The following AIG1 variants were observed in gnomAD, a reference collection of about 807,000 sequenced individuals.
AIG1 encodes androgen-induced gene 1 protein.
AIG1 carries 23 observed loss-of-function variants against 31.4 expected under a neutral mutation model. That is an observed-to-expected ratio of 0.73 (90% CI 0.53 to 1.04). The LOEUF (loss-of-function observed/expected upper bound fraction) is 1.04. Among genes scored for constraint, AIG1 ranks in the 50% least tolerant of loss-of-function variants. The pLI, the probability that AIG1 is intolerant of heterozygous loss-of-function variation, is 0.00. For synonymous variants in AIG1, 100 were observed against 110.5 expected, an observed-to-expected ratio of 0.90 and a Z score of 0.60; for missense variants, 274 against 295.0, an observed-to-expected ratio of 0.93 and a Z score of 0.52.
intron 3 of AIG1, among the ~76,000 whole-genome samples, chr6:143,246,235 C>T (rs1384894579): frequency 6.6e-6 from 1 of 151,178 alleles, no homozygotes; most frequent in Non-Finnish European, 1.5e-5. Flanking sequence ...TGTTTTCACA[C>T]TGCTGATAAA....
intron 1 of AIG1, among the ~76,000 whole-genome samples, chr6:143,122,153 A>C (rs1442761238): frequency 6.6e-6 from 1 of 152,196 alleles, no homozygotes; most frequent in Non-Finnish European, 1.5e-5. Flanking sequence ...TCTTAGGAGA[A>C]GTTTCCAGAT....
At chr6:143,276,563 C>T (rs1360669241) in intron 3 of AIG1, among the ~76,000 whole-genome samples, 1 of 152,132 alleles carries the variant, frequency 6.6e-6, no homozygotes, top group East Asian at 1.9e-4. Context: ...GATTCTATGC[C>T]ATGCTGATAG....
intron 3 of AIG1, among the ~76,000 whole-genome samples, chr6:143,195,682 A>T (rs1790167681): frequency 6.6e-6 from 1 of 151,166 alleles, no homozygotes; most frequent in African/African-American, 2.4e-5. Flanking sequence ...CTCGCCAGGG[A>T]GGGAGAATAT....
intron 4 of AIG1, among the ~76,000 whole-genome samples, chr6:143,305,306 A>G (rs1456352906): frequency 3.3e-5 from 5 of 151,794 alleles, no homozygotes; most frequent in Non-Finnish European, 7.4e-5. Flanking sequence ...AGTTCTTTTA[A>G]TTGTGATGTT....
chr6:143,189,583 G>A (rs1428159759), intron 3 of AIG1: 1 of 985,218 alleles, frequency 1.0e-6, no homozygotes, highest in African/African-American at 1.7e-5. Context: ...GGAAAGTTCT[G>A]ACAGGAAACT....
chr6:143,144,220 C>G (rs1030043346), intron 2 of AIG1, among the ~76,000 whole-genome samples: 2 of 152,008 alleles, frequency 1.3e-5, no homozygotes, highest in African/African-American at 2.4e-5. Flanking sequence ...CAGGGAAAAC[C>G]GTGCATTTAT....
intron 2 of AIG1, among the ~76,000 whole-genome samples, chr6:143,138,496 T>G (rs1399420164): frequency 6.6e-6 from 1 of 152,220 alleles, no homozygotes; most frequent in Non-Finnish European, 1.5e-5. Flanking sequence ...ATATATATCA[T>G]GTATACATTT....
intron 3 of AIG1, among the ~76,000 whole-genome samples, chr6:143,237,019 C>G (rs1053468136): frequency 6.6e-6 from 1 of 152,122 alleles, no homozygotes; most frequent in Non-Finnish European, 1.5e-5. Context: ...GGGGCTCAGA[C>G]AAGTTAAATA....
At chr6:143,137,323 G>A (rs1256340531) in intron 2 of AIG1, among the ~76,000 whole-genome samples, 2 of 152,118 alleles carry the variant, frequency 1.3e-5, no homozygotes, top group Non-Finnish European at 2.9e-5. Flanking sequence ...AGGTATAGCA[G>A]TCATATTAGA....
chr6:143,111,024 A>G (rs756974277), intron 1 of AIG1, among the ~76,000 whole-genome samples: 1 of 152,202 alleles, frequency 6.6e-6, no homozygotes, highest in Non-Finnish European at 1.5e-5. Context: ...AAGGTAATTG[A>G]TGGTTTAGAT....
At chr6:143,152,247 A>G (rs1262459958) in intron 2 of AIG1, among the ~76,000 whole-genome samples, 1 of 152,240 alleles carries the variant, frequency 6.6e-6, no homozygotes, top group African/African-American at 2.4e-5. Context: ...GGATTAAATT[A>G]GATTTTTCTT....
intron 1 of AIG1, among the ~76,000 whole-genome samples, chr6:143,097,224 G>C (rs550193318): frequency 6.6e-6 from 1 of 152,066 alleles, no homozygotes; most frequent in South Asian, 2.1e-4. Context: ...ATGAAGTGGG[G>C]CTTGCTCTGT....
intron 2 of AIG1, among the ~76,000 whole-genome samples, chr6:143,139,081 C>T (rs1285593208): frequency 6.6e-6 from 1 of 152,026 alleles, no homozygotes; most frequent in Non-Finnish European, 1.5e-5. Context: ...TTGGGGGAAA[C>T]TTTTGCACCT....
intron 4 of AIG1, among the ~76,000 whole-genome samples, chr6:143,312,451 A>G (rs1266763331): frequency 6.6e-6 from 1 of 152,146 alleles, no homozygotes; most frequent in Non-Finnish European, 1.5e-5. Flanking sequence ...AAAAACATAC[A>G]TTAGGGAAAG....
chr6:143,239,193 G>A (rs1451148015), intron 3 of AIG1, among the ~76,000 whole-genome samples: 2 of 152,210 alleles, frequency 1.3e-5, no homozygotes, highest in African/African-American at 4.8e-5. Context: ...GTGGTGATGA[G>A]GGGAGGATGT....
At chr6:143,267,234 C>A (rs1036735726) in intron 3 of AIG1, among the ~76,000 whole-genome samples, 1 of 152,198 alleles carries the variant, frequency 6.6e-6, no homozygotes, top group African/African-American at 2.4e-5. Flanking sequence ...TCTGAAGCCA[C>A]GTTGGAGAAG....
chr6:143,122,672 TA>T (rs2128502762), intron 1 of AIG1, among the ~76,000 whole-genome samples: 1 of 152,322 alleles, frequency 6.6e-6, no homozygotes, highest in African/African-American at 2.4e-5. Context: ...TACATGAGAT[TA>T]GTTCTTCATA....
intron 3 of AIG1, among the ~76,000 whole-genome samples, chr6:143,233,668 A>T (rs62429647): frequency 0.093 from 14,122 of 152,108 alleles, 720 homozygotes; most frequent in South Asian, 0.17. Context: ...GATTGGTTAC[A>T]CTTTAGCATT....
At chr6:143,074,714 G>A (rs1278787231) in intron 1 of AIG1, among the ~76,000 whole-genome samples, 2 of 152,182 alleles carry the variant, frequency 1.3e-5, no homozygotes, top group African/African-American at 4.8e-5. Context: ...TGGGGTGAAT[G>A]CTACTTGGTT....
Sources: allele counts gnomAD v4.1 joint callset (sites outside exome capture counted in the v4.1 genomes callset), GRCh38; gene constraint gnomAD v4.1.1; transcripts MANE v1.5; gene names NCBI Gene and HGNC (gene_info 2026-07-23, HGNC 2026-07-21).